Variants in DMD observed in about 807,000 individuals in gnomAD.
DMD encodes mutant dystrophin.
In DMD, 63 loss-of-function variants were observed where a neutral mutation model predicts 330.1. The observed-to-expected ratio is 0.19, with a 90% confidence interval of 0.16 to 0.24. The LOEUF (loss-of-function observed/expected upper bound fraction) is 0.24. Ranked by LOEUF, DMD falls within the 10% of genes least tolerant of loss-of-function variation. The probability of loss-of-function intolerance (pLI) is 1.00; values close to 1 mark genes in which losing one functional copy is unlikely to be tolerated. For synonymous variants in DMD, 1,223 were observed against 959.8 expected (o/e 1.27, Z -5.07); for missense variants, 3,344 against 2,684.1 (o/e 1.25, Z -5.43).
At chrX:31,786,757 A>C (rs776527762) in intron 50 of DMD, among the ~76,000 whole-genome samples, 2 of 111,828 alleles carry the variant, frequency 1.8e-5, no homozygotes, top group African/African-American at 3.2e-5. Context: ...AAGATACAAA[A>C]GTCTCGCCCA....
intron 9 of DMD, among the ~76,000 whole-genome samples, chrX:32,679,047 A>G (rs1203987537): frequency 8.9e-6 from 1 of 112,170 alleles, no homozygotes; most frequent in East Asian, 2.8e-4. Context: ...ACTGGAAAAA[A>G]ATATGTAATG....
rs796291308 is a variant in DMD at position 32,343,243 on chromosome X, T to G, written c.5630A>C (p.His1877Pro). 1.7e-6 allele frequency: 2 copies of G among 1,209,146 alleles called. No homozygotes were observed. The highest frequency in any genetic ancestry group is 2.2e-6 in the Non-Finnish European group (2 of 893,353). The part of the protein sequence containing the change: ...QRRKKALEIS[H>P]QWYQYKRQAD... ...CTGCCTCTTGTACTGATACCACTGA[T>G]GAGAAATTTCTAGAGCCTTTTTTCT... Residue 1877 changes from histidine to proline, a missense_variant, in exon 40 of 79, where the codon CAT becomes CCT. Physicochemically the swap from His to Pro is moderately conservative, Grantham distance 77 (BLOSUM62 -2). Coordinates refer to ENST00000357033, the MANE Select transcript of DMD (RefSeq NM_004006.3).
intron 1 of DMD, among the ~76,000 whole-genome samples, chrX:33,257,097 C>T (rs1291037998): frequency 8.2e-5 from 9 of 110,115 alleles, no homozygotes; most frequent in African/African-American, 2.3e-4. Context: ...TTCTGGAGAC[C>T]GAGAAGGGAA....
chrX:33,005,273 CAA>C (rs1491514613), intron 2 of DMD, among the ~76,000 whole-genome samples: 4 of 81,034 alleles, frequency 4.9e-5, no homozygotes, highest in African/African-American at 1.6e-4. Context: ...TACACACACA[CAA>C]ACACACACAC....
chrX:33,014,045 G>A (rs5928148), intron 2 of DMD, among the ~76,000 whole-genome samples: 11,058 of 111,771 alleles, frequency 0.099, 770 homozygotes, highest in African/African-American at 0.23. Context: ...CTAGATTCAT[G>A]TTAAGGATTG....
chrX:32,740,835 G>A (rs2069160071), intron 7 of DMD, among the ~76,000 whole-genome samples: 1 of 111,240 alleles, frequency 9.0e-6, no homozygotes, highest in South Asian at 3.8e-4. Flanking sequence ...GTTATCCCAA[G>A]GTTGGCATTG....
intron 18 of DMD, among the ~76,000 whole-genome samples, chrX:32,506,354 T>C (rs1280565419): frequency 2.9e-5 from 3 of 104,250 alleles, no homozygotes; most frequent in Non-Finnish European, 3.9e-5. Flanking sequence ...ATGGAGTCTA[T>C]TAAAATCACA....
chrX:31,253,374 A>G (rs1282772802), intron 63 of DMD, among the ~76,000 whole-genome samples: 2 of 112,076 alleles, frequency 1.8e-5, no homozygotes, highest in African/African-American at 6.5e-5. Context: ...TTAGTGGAGA[A>G]CAGTTTAGTT....
intron 54 of DMD, among the ~76,000 whole-genome samples, chrX:31,654,308 T>A (rs1348838521): frequency 8.9e-6 from 1 of 111,941 alleles, no homozygotes; most frequent in Non-Finnish European, 1.9e-5. Flanking sequence ...AGGCAATGCA[T>A]TAGTGTTTCA....
intron 41 of DMD, among the ~76,000 whole-genome samples, chrX:32,340,741 C>T (rs2097737480): frequency 8.9e-6 from 1 of 111,922 alleles, no homozygotes; most frequent in Non-Finnish European, 1.9e-5. Flanking sequence ...TCTTTCGCTT[C>T]ATTTTGCATC....
intron 42 of DMD, among the ~76,000 whole-genome samples, chrX:32,294,556 C>G (rs368366084): frequency 9.0e-6 from 1 of 111,606 alleles, no homozygotes; most frequent in Non-Finnish European, 1.9e-5. Context: ...AAGTTATGAA[C>G]GGTTTTAGCA....
intron 2 of DMD, among the ~76,000 whole-genome samples, chrX:32,937,713 A>C (rs1235878151): frequency 9.2e-6 from 1 of 109,056 alleles, no homozygotes; most frequent in African/African-American, 3.3e-5. Flanking sequence ...GGATGAAGTC[A>C]ATCACATTAG....
At chrX:32,463,916 T>C (rs1293835040) in intron 24 of DMD, among the ~76,000 whole-genome samples, 3 of 111,920 alleles carry the variant, frequency 2.7e-5, no homozygotes, top group Admixed American at 9.5e-5. Flanking sequence ...TTTGTTAGTA[T>C]TTTCATTTTC....
intron 17 of DMD, among the ~76,000 whole-genome samples, chrX:32,542,816 C>G (rs1403957965): frequency 8.9e-6 from 1 of 111,968 alleles, no homozygotes; most frequent in Non-Finnish European, 1.9e-5. Flanking sequence ...ATTTATCAAT[C>G]AAGTGTCGTA....
At chrX:32,738,345 C>T (rs886929359) in intron 7 of DMD, among the ~76,000 whole-genome samples, 1 of 111,498 alleles carries the variant, frequency 9.0e-6, no homozygotes. Context: ...CACTGGGCTT[C>T]GACATCAGTC....
At position 32,823,365 on chromosome X, in the gene DMD, C is replaced by T. The variant is rs1569529162; in HGVS notation, c.287G>A (p.Ser96Asn). The T allele has an allele frequency of 8.3e-7, 1 of 1,206,920 alleles. No homozygotes were observed. Among genetic ancestry groups the T allele is most frequent in the Non-Finnish European group, 1.1e-6 (1 of 891,448 alleles). Residue 96 changes from serine to asparagine, a missense_variant, in exon 5 of 79, where the codon AGT (serine) becomes AAT (asparagine). Transcript: ENST00000357033. ...NNNVDLVNIGSTDIVDGNHKL... is the reference protein window; with the variant it reads ...NNNVDLVNIGNTDIVDGNHKL... ...ATGATTTCCATCTACGATGTCAGTACTTCCAATATTCACTAAATCAACCTG... is the reference window on the plus strand; with the variant it reads ...ATGATTTCCATCTACGATGTCAGTATTTCCAATATTCACTAAATCAACCTG...
intron 1 of DMD, among the ~76,000 whole-genome samples, chrX:33,123,426 T>A (rs1164102039): frequency 1.0e-5 from 1 of 97,735 alleles, no homozygotes; most frequent in Non-Finnish European, 1.9e-5. Context: ...CTTTCTTTTG[T>A]TTTTTTTTGA....
chrX:32,204,563 A>G lies in DMD; in HGVS notation c.6438+12353T>C, dbSNP rs188622089. 2.5e-3 allele frequency among the ~76,000 whole-genome samples: 281 copies of G among 111,904 alleles called. 2 individuals carry two copies. The highest frequency in any genetic ancestry group is 9.0e-3 in the African/African-American group (277 of 30,780). ...ACTCACCATATTACAACCTTGTGAC[A>G]CTCAACCAGAAATCACCCAACACAC... On this transcript the variant is annotated intron_variant, in intron 44 of 78. Coordinates refer to ENST00000357033, the MANE Select transcript of DMD (RefSeq NM_004006.3).
chrX:32,286,932 A>G (rs1033992975), intron 43 of DMD, among the ~76,000 whole-genome samples: 1 of 111,824 alleles, frequency 8.9e-6, no homozygotes, highest in Non-Finnish European at 1.9e-5. Context: ...AGAGTAATCC[A>G]CTTCTTGTGA....
Sources: allele counts gnomAD v4.1 joint callset (sites outside exome capture counted in the v4.1 genomes callset), GRCh38; gene constraint gnomAD v4.1.1; transcripts MANE v1.5; gene names NCBI Gene and HGNC (gene_info 2026-07-23, HGNC 2026-07-21).